The following TOM1L1 variants were observed in gnomAD, a reference collection of about 807,000 sequenced individuals.
TOM1L1 encodes the protein target of myb1 like 1 membrane trafficking protein.
In TOM1L1, 64 loss-of-function variants were observed where a neutral mutation model predicts 63.4. The ratio of observed to expected loss-of-function variants is 1.01; its 90% CI spans 0.83 to 1.24. The LOEUF (loss-of-function observed/expected upper bound fraction) is 1.24, where lower values mean the gene tolerates loss of function less well. TOM1L1 is among the 50% of genes most tolerant of loss of function. The pLI, the probability that TOM1L1 is intolerant of heterozygous loss-of-function variation, is 0.00. For missense variants in TOM1L1, 536 were observed against 567.0 expected (o/e 0.95, Z 0.55); for synonymous variants, 166 against 194.4 (o/e 0.85, Z 1.22).
intron 7 of TOM1L1, among the ~76,000 whole-genome samples, chr17:54,919,227 T>A (rs1232055061): frequency 6.6e-6 from 1 of 152,232 alleles, no homozygotes; most frequent in Non-Finnish European, 1.5e-5. Context: ...CTTATGATGT[T>A]AACACGTGTG....
At chr17:54,914,843 G>C in intron 6 of TOM1L1, 100 bp downstream of exon 6, 1 of 918,050 alleles carries the variant, frequency 1.1e-6, no homozygotes, top group Non-Finnish European at 1.8e-6. Context: ...TGAGATGTAG[G>C]TACACTCATT....
At chr17:54,922,916 T>C (rs1023698478) in intron 7 of TOM1L1, among the ~76,000 whole-genome samples, 1 of 152,242 alleles carries the variant, frequency 6.6e-6, no homozygotes, top group African/African-American at 2.4e-5. Flanking sequence ...CTTTCTGCCT[T>C]TCATCAGTTC....
intron 3 of TOM1L1, among the ~76,000 whole-genome samples, chr17:54,910,323 G>A (rs1301892071): frequency 6.6e-6 from 1 of 152,122 alleles, no homozygotes; most frequent in African/African-American, 2.4e-5. Context: ...GGGCATGGTG[G>A]TGCACGCCTG....
intron 8 of TOM1L1, among the ~76,000 whole-genome samples, chr17:54,931,136 T>C (rs1349912575): frequency 7.4e-6 from 1 of 135,854 alleles, no homozygotes; most frequent in Admixed American, 6.9e-5. Flanking sequence ...AGTGACCGTA[T>C]TTCTAATCAG....
chr17:54,906,251 CTG>C (rs1479795383), intron 3 of TOM1L1, among the ~76,000 whole-genome samples: 1 of 152,102 alleles, frequency 6.6e-6, no homozygotes, highest in Non-Finnish European at 1.5e-5. Context: ...GGTGGATCAC[CTG>C]AGGTCAGAAG....
intron 8 of TOM1L1, among the ~76,000 whole-genome samples, chr17:54,933,326 A>G (rs141006709): frequency 7.2e-4 from 109 of 152,292 alleles, no homozygotes; most frequent in African/African-American, 2.5e-3. Context: ...GACCTTTATG[A>G]CTACATTGGG....
At chr17:54,901,147 C>A (rs949202616) in intron 1 of TOM1L1, 1 of 621,940 alleles carries the variant, frequency 1.6e-6, no homozygotes, top group South Asian at 2.0e-5. Flanking sequence ...AATGTACCTT[C>A]CTTTCGATGC....
chr17:54,953,538 C>G (rs1383289346), intron 14 of TOM1L1: 1 of 152,316 alleles, frequency 6.6e-6, no homozygotes, highest in Non-Finnish European at 1.5e-5. Context: ...CCTCCTCCTT[C>G]CCTCTCTGGG....
chr17:54,913,422 T>C (rs1057498109), intron 4 of TOM1L1, among the ~76,000 whole-genome samples: 1 of 152,056 alleles, frequency 6.6e-6, no homozygotes, highest in Non-Finnish European at 1.5e-5. Flanking sequence ...TCCCAGCACT[T>C]TGGGAGGCCG....
intron 12 of TOM1L1, 127 bp from the exon 13 acceptor site, chr17:54,949,391 A>G: frequency 1.5e-6 from 1 of 657,430 alleles, no homozygotes. Context: ...AGTAATAATT[A>G]AAAACAACTT....
intron 6 of TOM1L1, 37 bp from the exon 7 acceptor site, chr17:54,915,709 G>A (rs749961406): frequency 2.1e-6 from 3 of 1,437,330 alleles, no homozygotes; most frequent in East Asian, 4.9e-5. Flanking sequence ...TATTCTTTGT[G>A]TGTCGCACTG....
At chr17:54,902,007 T>C (rs1464423033) in intron 1 of TOM1L1, among the ~76,000 whole-genome samples, 1 of 152,126 alleles carries the variant, frequency 6.6e-6, no homozygotes, top group Admixed American at 6.5e-5. Context: ...TTTAATTCTG[T>C]AAACATGGAC....
chr17:54,946,468 C>T (rs1395816072), intron 11 of TOM1L1, among the ~76,000 whole-genome samples: 1 of 152,130 alleles, frequency 6.6e-6, no homozygotes, highest in African/African-American at 2.4e-5. Flanking sequence ...TATCACAGCT[C>T]CTATTGAAGA....
At chr17:54,924,229 T>C (rs550110367) in intron 7 of TOM1L1, among the ~76,000 whole-genome samples, 21 of 151,996 alleles carry the variant, frequency 1.4e-4, no homozygotes, top group Non-Finnish European at 2.8e-4. Flanking sequence ...CTGACTCTTA[T>C]GCTTCCCTGT....
intron 8 of TOM1L1, among the ~76,000 whole-genome samples, chr17:54,933,786 G>A (rs1353061105): frequency 6.6e-6 from 1 of 152,184 alleles, no homozygotes; most frequent in Non-Finnish European, 1.5e-5. Flanking sequence ...CTCCCAAAGT[G>A]CTGGAATTAT....
chr17:54,914,767 T>TA (rs3834969), intron 6 of TOM1L1, 24 bp downstream of exon 6: 7 of 1,556,956 alleles, frequency 4.5e-6, no homozygotes, highest in African/African-American at 2.7e-5. Flanking sequence ...TCATTGCATT[T>TA]AATTGATGTC....
Position 54,961,347 on chromosome 17 carries a change from T to C in TOM1L1, c.*114T>C, listed in dbSNP as rs1947996065. Reference sequence around the variant, plus strand: ...AATACCTACCAACATGTCAAAGCCATGGTGGCACATTTCTGCTATAATGAA... The same window carrying C: ...AATACCTACCAACATGTCAAAGCCACGGTGGCACATTTCTGCTATAATGAA... On this transcript the variant is annotated 3_prime_UTR_variant, in exon 16 of 16. Transcript: ENST00000575882. 1 of 1,551,282 alleles carries C rather than the reference T, an allele frequency of 6.4e-7. No homozygotes were observed. Among genetic ancestry groups the C allele is most frequent in the African/African-American group, 1.4e-5 (1 of 73,050 alleles).
intron 11 of TOM1L1, among the ~76,000 whole-genome samples, chr17:54,945,021 CAG>C (rs1418943720): frequency 6.6e-6 from 1 of 152,112 alleles, no homozygotes; most frequent in Non-Finnish European, 1.5e-5. Context: ...TGAAATTCAG[CAG>C]AGTCACACTC....
At chr17:54,937,026 C>T (rs1469367151) in intron 9 of TOM1L1, 83 bp from the exon 10 acceptor site, 15 of 1,153,112 alleles carry the variant, frequency 1.3e-5, no homozygotes, top group Non-Finnish European at 1.7e-5. Flanking sequence ...AAATAGGATC[C>T]TCCCCTCTAC....
Sources: allele counts gnomAD v4.1 joint callset (sites outside exome capture counted in the v4.1 genomes callset), GRCh38; gene constraint gnomAD v4.1.1; transcripts MANE v1.5; gene names NCBI Gene and HGNC (gene_info 2026-07-23, HGNC 2026-07-21).